MARCHF1: variants seen among roughly 807,000 people sequenced by gnomAD.
MARCHF1 encodes membrane associated ring-CH-type finger 1, also known as E3 ubiquitin-protein ligase MARCHF1.
A neutral mutation model predicts 54.2 loss-of-function variants in MARCHF1; 40 were observed. That is an observed-to-expected ratio of 0.74 (90% confidence interval 0.57 to 0.96). The LOEUF is 0.96. Among genes scored for constraint, MARCHF1 ranks in the 40% least tolerant of loss-of-function variants. MARCHF1 has a pLI of 0.00. For missense variants in MARCHF1, 586 were observed against 656.5 expected (o/e 0.89, Z 1.17); for synonymous variants, 236 against 236.3 (o/e 1.00, Z 0.01).
At chr4:163,714,795 C>T (rs1745209085) in intron 4 of MARCHF1, among the ~76,000 whole-genome samples, 1 of 152,150 alleles carries the variant, frequency 6.6e-6, no homozygotes, top group Admixed American at 6.6e-5. Flanking sequence ...TTAGCCTCAA[C>T]AGTAGCTAGG....
intron 1 of MARCHF1, among the ~76,000 whole-genome samples, chr4:164,266,790 A>G (rs1733622197): frequency 6.6e-6 from 1 of 152,194 alleles, no homozygotes; most frequent in Non-Finnish European, 1.5e-5. Flanking sequence ...TTTGTGCTTT[A>G]GTATAACAAA....
chr4:164,192,145 C>T (rs939271304), intron 1 of MARCHF1, among the ~76,000 whole-genome samples: 2 of 152,084 alleles, frequency 1.3e-5, no homozygotes, highest in African/African-American at 4.8e-5. Flanking sequence ...AAAAACAGAA[C>T]AGAATTTCTA....
intron 1 of MARCHF1, among the ~76,000 whole-genome samples, chr4:164,252,326 C>CA (rs869249975): frequency 7.2e-5 from 10 of 139,236 alleles, no homozygotes; most frequent in Non-Finnish European, 1.3e-4. Context: ...TCTCCACCAT[C>CA]AAAAAAACAA....
chr4:163,541,125 C>T (rs1328142554), intron 9 of MARCHF1, among the ~76,000 whole-genome samples: 1 of 152,190 alleles, frequency 6.6e-6, no homozygotes, highest in Non-Finnish European at 1.5e-5. Context: ...TTGGGTTGTT[C>T]TCATCTGCTG....
intron 1 of MARCHF1, among the ~76,000 whole-genome samples, chr4:164,308,823 G>C (rs978567021): frequency 5.3e-5 from 8 of 151,862 alleles, no homozygotes; most frequent in African/African-American, 1.9e-4. Flanking sequence ...GTGGGAGGAG[G>C]GAGAAAAGCA....
At chr4:163,827,012 TA>T (rs1748870887) in intron 4 of MARCHF1, among the ~76,000 whole-genome samples, 1 of 151,940 alleles carries the variant, frequency 6.6e-6, no homozygotes, top group Admixed American at 6.6e-5. Context: ...AATTAACGAC[TA>T]CAAAATATGG....
intron 2 of MARCHF1, among the ~76,000 whole-genome samples, chr4:164,075,675 T>G (rs1754962104): frequency 6.6e-6 from 1 of 152,246 alleles, no homozygotes; most frequent in Admixed American, 6.5e-5. Context: ...ACTGTGATGT[T>G]AATTGAATCT....
chr4:164,307,860 A>AT (rs1312488933), intron 1 of MARCHF1, among the ~76,000 whole-genome samples: 1 of 152,194 alleles, frequency 6.6e-6, no homozygotes, highest in East Asian at 1.9e-4. Context: ...GTAGTCCCCT[A>AT]TTTTGCCTCC....
At position 164,226,023 on chromosome 4, in the gene MARCHF1, A is replaced by C. The variant is rs141706361; in HGVS notation, c.-322-114361T>G. Reference sequence around the variant, plus strand: ...GCAGGATTACACAATCAACTACTGCAGGAAGAATTTTACACAATCAACTCG... The same window carrying C: ...GCAGGATTACACAATCAACTACTGCCGGAAGAATTTTACACAATCAACTCG... On this transcript the variant is annotated intron_variant, in intron 1 of 9. Coordinates refer to ENST00000514618, the MANE Select transcript of MARCHF1 (RefSeq NM_001394959.1). 3.0e-4 allele frequency among the ~76,000 whole-genome samples: 46 copies of C among 152,212 alleles called. 1 individual carries two copies. The East Asian group carries it at 6.4e-3, about 21-fold the overall frequency.
chr4:164,303,601 T>C (rs1043825518), intron 1 of MARCHF1, among the ~76,000 whole-genome samples: 2 of 152,232 alleles, frequency 1.3e-5, no homozygotes, highest in Non-Finnish European at 2.9e-5. Flanking sequence ...TTACCATTCA[T>C]TTCTATATGA....
At chr4:164,274,927 C>T (rs187986155) in intron 1 of MARCHF1, among the ~76,000 whole-genome samples, 17 of 151,272 alleles carry the variant, frequency 1.1e-4, no homozygotes, top group African/African-American at 3.6e-4. Context: ...CCACCCGCCT[C>T]GGCCTCCCAA....
intron 5 of MARCHF1, among the ~76,000 whole-genome samples, chr4:163,635,806 G>T (rs1742296134): frequency 6.6e-6 from 1 of 152,122 alleles, no homozygotes; most frequent in Non-Finnish European, 1.5e-5. Flanking sequence ...GAGAATTTTA[G>T]ACCAATATCC....
At chr4:164,106,858 C>G (rs1056526572) in intron 2 of MARCHF1, among the ~76,000 whole-genome samples, 2 of 151,566 alleles carry the variant, frequency 1.3e-5, no homozygotes, top group Admixed American at 6.6e-5. Context: ...TCCAGATAAT[C>G]AGAATGCTGT....
chr4:164,363,765 C>CTGTGTGTGTGTGTG (rs1730794200), intron 1 of MARCHF1, among the ~76,000 whole-genome samples: 1 of 72,730 alleles, frequency 1.4e-5, no homozygotes, highest in Non-Finnish European at 3.2e-5. Context: ...TATTAATAAG[C>CTGTGTGTGTGTGTG]CGTGTGTGTG....
chr4:163,929,910 A>C (rs1751617546), intron 3 of MARCHF1, among the ~76,000 whole-genome samples: 1 of 116,860 alleles, frequency 8.6e-6, no homozygotes, highest in Admixed American at 1.2e-4. Flanking sequence ...CATATTGGAA[A>C]TATATATAAT....
intron 1 of MARCHF1, among the ~76,000 whole-genome samples, chr4:164,209,498 G>C (rs1731706479): frequency 6.6e-6 from 1 of 152,090 alleles, no homozygotes; most frequent in African/African-American, 2.4e-5. Flanking sequence ...TTAGAAGCTA[G>C]GTAGTCTCTG....
chr4:163,547,074 C>T (rs568914407), intron 8 of MARCHF1, among the ~76,000 whole-genome samples: 1 of 152,176 alleles, frequency 6.6e-6, no homozygotes, highest in Non-Finnish European at 1.5e-5. Context: ...GACCCCATTC[C>T]TTCCCCACCT....
At chr4:164,054,927 A>G (rs1754455592) in intron 2 of MARCHF1, among the ~76,000 whole-genome samples, 1 of 151,966 alleles carries the variant, frequency 6.6e-6, no homozygotes, top group Non-Finnish European at 1.5e-5. Flanking sequence ...TTAAAGTATA[A>G]TAATAATTTT....
intron 9 of MARCHF1, among the ~76,000 whole-genome samples, chr4:163,538,385 A>T (rs1738610713): frequency 6.6e-6 from 1 of 151,976 alleles, no homozygotes; most frequent in African/African-American, 2.4e-5. Context: ...CCTGTACTCT[A>T]TTGGAGTTGG....
Sources: gnomAD v4.1 joint callset for allele counts (sites outside exome capture counted in the v4.1 genomes callset) on GRCh38, gnomAD v4.1.1 for gene constraint, MANE v1.5 for transcripts, NCBI Gene and HGNC (gene_info 2026-07-23, HGNC 2026-07-21) for gene names.